Variants in OR51B5 observed in about 807,000 individuals in gnomAD.
OR51B5 encodes the protein olfactory receptor 51B5.
For missense variants in OR51B5, 456 were observed against 374.6 expected (o/e 1.22, Z -1.79); for synonymous variants, 186 against 144.8 (o/e 1.28, Z -2.04).
rs116325098 is a variant in OR51B5, at chr11:5,402,613, A to T, written n.85-55703T>A. ...TATGTCAACATGAAAATTTCTAATAACTCTTTGGGGTTTTTACCTACGACT... is the reference window on the plus strand; with the variant it reads ...TATGTCAACATGAAAATTTCTAATATCTCTTTGGGGTTTTTACCTACGACT... On this transcript the variant is annotated intron_variant and non_coding_transcript_variant, in intron 1 of 4. Transcript: ENST00000415970. 1,552 of 469,610 alleles carry T rather than the reference A, an allele frequency of 3.3e-3. 22 individuals carry two copies. The highest frequency in any genetic ancestry group is 0.025 in the African/African-American group (1,239 of 49,924). 29.1% of individuals were successfully genotyped at this position (469,610 alleles called of 1,614,324 possible). A position where few individuals can be genotyped will look rare whatever the true frequency, so the allele number is the denominator to read the frequency against.
At chr11:5,431,838 A>G (rs1850539078) in intron 1 of OR51B5, among the ~76,000 whole-genome samples, 1 of 152,318 alleles carries the variant, frequency 6.6e-6, no homozygotes, top group East Asian at 1.9e-4. Context: ...TGGAAAAGAG[A>G]TATTTCAGAC....
At chr11:5,441,239 G>C in intron 1 of OR51B5, 7 of 1,613,958 alleles carry the variant, frequency 4.3e-6, no homozygotes, top group Non-Finnish European at 5.1e-6. Context: ...ACGCAACATG[G>C]TTGTAGTTGA....
intron 1 of OR51B5, among the ~76,000 whole-genome samples, chr11:5,446,250 T>C (rs759421207): frequency 4.6e-5 from 7 of 151,506 alleles, no homozygotes; most frequent in Non-Finnish European, 1.0e-4. Flanking sequence ...ACTTAAAGTA[T>C]AATAAAAATA....
chr11:5,389,872 AATT>A, intron 1 of OR51B5: 1 of 1,613,448 alleles, frequency 6.2e-7, no homozygotes, highest in Non-Finnish European at 8.5e-7. Flanking sequence ...GAGCAGGCCT[AATT>A]GTCATCTTCC....
chr11:5,487,139 A>G (rs1378398409), intron 1 of OR51B5, among the ~76,000 whole-genome samples: 3 of 152,220 alleles, frequency 2.0e-5, no homozygotes, highest in Non-Finnish European at 2.9e-5. Context: ...ATAGTTCTGC[A>G]AATAAAATGC....
intron 1 of OR51B5, among the ~76,000 whole-genome samples, chr11:5,353,274 A>T (rs1849131986): frequency 1.3e-5 from 2 of 152,190 alleles, no homozygotes; most frequent in Non-Finnish European, 2.9e-5. Context: ...ATTGATAATA[A>T]TTTGAAAACA....
chr11:5,455,493 G>A (rs987991528), intron 1 of OR51B5: 21 of 146,090 alleles, frequency 1.4e-4, no homozygotes, highest in African/African-American at 4.9e-4. Flanking sequence ...GCTAATTTTG[G>A]TGCTGTCATA....
intron 1 of OR51B5, among the ~76,000 whole-genome samples, chr11:5,404,779 A>G (rs1449938083): frequency 6.6e-6 from 1 of 152,228 alleles, no homozygotes; most frequent in East Asian, 1.9e-4. Context: ...CGAGACCACG[A>G]ATCCACCAGG....
At chr11:5,375,565 C>A (rs1849513104) in intron 1 of OR51B5, among the ~76,000 whole-genome samples, 1 of 151,946 alleles carries the variant, frequency 6.6e-6, no homozygotes, top group South Asian at 2.1e-4. Context: ...TCAGGAAACC[C>A]ATCTCATGTG....
intron 1 of OR51B5, chr11:5,352,181 G>A: frequency 6.2e-7 from 1 of 1,614,108 alleles, no homozygotes; most frequent in Non-Finnish European, 8.5e-7. Context: ...ACTGTCATGG[G>A]CATTGGTTCT....
Position 5,431,363 on chromosome 11 carries a change from C to A in OR51B5, n.84+74206G>T, listed in dbSNP as rs188651852. ...AACCAAAGAATGCCTGTAACAGTAG[C>A]AGTGTAGACACAGAGACGCCCACCT... On this transcript the variant is annotated intron_variant and non_coding_transcript_variant, in intron 1 of 4. Coordinates refer to the OR51B5 transcript ENST00000415970. The A allele has an allele frequency of 5.8e-4, 165 of 283,574 alleles. 1 individual carries two copies. The highest frequency in any genetic ancestry group is 3.4e-3 in the African/African-American group (157 of 46,104). 17.6% of individuals were successfully genotyped at this position (283,574 alleles called of 1,614,324 possible). A position where few individuals can be genotyped will look rare whatever the true frequency, so the allele number is the denominator to read the frequency against.
chr11:5,368,813 T>C (rs1849411694), intron 1 of OR51B5, among the ~76,000 whole-genome samples: 1 of 152,194 alleles, frequency 6.6e-6, no homozygotes, highest in African/African-American at 2.4e-5. Flanking sequence ...CTTTTCTTTT[T>C]TTCCCCCAGG....
chr11:5,394,083 C>G (rs1480525637), intron 1 of OR51B5, among the ~76,000 whole-genome samples: 1 of 151,914 alleles, frequency 6.6e-6, no homozygotes, highest in East Asian at 1.9e-4. Context: ...TTTTAATAGA[C>G]TTGATTTTAA....
upstream of OR51B5, among the ~76,000 whole-genome samples, chr11:5,347,400 G>A (rs1056091910): frequency 2.6e-5 from 4 of 152,134 alleles, no homozygotes; most frequent in Admixed American, 2.6e-4. Flanking sequence ...CAACGTGAAC[G>A]CACATTCTGC....
In OR51B5 at chr11:5,500,505, G is replaced by A. The variant is rs780027900; in HGVS notation, n.84+5064C>T. Among the ~76,000 whole-genome samples, 3 of 128,576 alleles carry A rather than the reference G, an allele frequency of 2.3e-5. No homozygotes were observed. In the South Asian group the frequency reaches 6.9e-4, roughly 30 times the overall value. The allele number at this position is 128,576 out of a possible 152,430, so 84.4% of individuals were successfully genotyped here. A position where few individuals can be genotyped will look rare whatever the true frequency, so the allele number is the denominator to read the frequency against. On this transcript the variant is annotated intron_variant and non_coding_transcript_variant, in intron 1 of 4. Transcript: ENST00000415970. ...GAGCCAGAAGATCCATTTAGTTTGG[G>A]ACCTTCATAAAAGGAGGGTCCTCAT... is the stretch of plus-strand genomic sequence containing the variant.
chr11:5,430,376 G>A (rs1345666466), intron 1 of OR51B5, among the ~76,000 whole-genome samples: 1 of 152,058 alleles, frequency 6.6e-6, no homozygotes, highest in East Asian at 1.9e-4. Flanking sequence ...AGAAAATGAG[G>A]AAAAGGAAAA....
At chr11:5,341,059 T>C (rs1848884842), downstream of OR51B5, 1 of 152,176 alleles carries the variant, frequency 6.6e-6, no homozygotes, top group African/African-American at 2.4e-5. Context: ...TTCAGTTCTT[T>C]CACAATTACA....
At chr11:5,422,900 G>A (rs1850374555) in intron 1 of OR51B5, 27 of 1,614,060 alleles carry the variant, frequency 1.7e-5, no homozygotes, top group Non-Finnish European at 2.3e-5. Flanking sequence ...AGCCACCTGG[G>A]CTGAGCGACT....
intron 1 of OR51B5, among the ~76,000 whole-genome samples, chr11:5,492,864 ACCTCAAGTGAT>A (rs1322490950): frequency 1.3e-5 from 2 of 152,058 alleles, no homozygotes; most frequent in Non-Finnish European, 2.9e-5. Flanking sequence ...CGAACTCCTG[ACCTCAAGTGAT>A]CCACCCACCT....
Sources: allele counts gnomAD v4.1 joint callset (sites outside exome capture counted in the v4.1 genomes callset), GRCh38; gene constraint gnomAD v4.1.1; transcripts MANE v1.5; gene names NCBI Gene and HGNC (gene_info 2026-07-23, HGNC 2026-07-21).